The following MMEL1 variants were observed in gnomAD, a reference collection of about 807,000 sequenced individuals.
The protein encoded by MMEL1 is membrane metallo-endopeptidase-like 1.
Under a neutral mutation model 117.1 loss-of-function variants are expected in MMEL1, and 98 were observed. The observed-to-expected ratio is 0.84, with a 90% confidence interval of 0.71 to 0.99. The LOEUF is 0.99. Among genes scored for constraint, MMEL1 ranks in the 50% least tolerant of loss-of-function variants. The pLI, the probability that MMEL1 is intolerant of heterozygous loss-of-function variation, is 0.00. For synonymous variants in MMEL1, 390 were observed against 415.1 expected (o/e 0.94, Z 0.74); for missense variants, 1,014 against 1,049.1 (o/e 0.97, Z 0.46).
intron 11 of MMEL1, 76 bp downstream of exon 11, chr1:2,603,808 T>C (rs1644972835): frequency 4.3e-6 from 6 of 1,388,038 alleles, no homozygotes; most frequent in Middle Eastern, 1.8e-4. Flanking sequence ...CAACGTGCCC[T>C]CTCAGAGGGC....
intron 13 of MMEL1, among the ~76,000 whole-genome samples, chr1:2,597,106 C>A (rs900182477): frequency 1.3e-5 from 2 of 152,178 alleles, no homozygotes; most frequent in Admixed American, 1.3e-4. Context: ...ATTGTTGAAG[C>A]AGCTGTGAGA....
chr1:2,621,753 G>T (rs1212065471), intron 2 of MMEL1, among the ~76,000 whole-genome samples: 1 of 152,146 alleles, frequency 6.6e-6, no homozygotes, highest in Non-Finnish European at 1.5e-5. Flanking sequence ...AGTAGAGATG[G>T]GGTTTCTCAC....
At chr1:2,608,225 C>T (rs1401486631) in intron 6 of MMEL1, among the ~76,000 whole-genome samples, 1 of 152,088 alleles carries the variant, frequency 6.6e-6, no homozygotes, top group Non-Finnish European at 1.5e-5. Context: ...CAGGCGGAGG[C>T]TCCACGAGAC....
At chr1:2,601,204 A>G (rs1237185250) in intron 11 of MMEL1, among the ~76,000 whole-genome samples, 1 of 152,240 alleles carries the variant, frequency 6.6e-6, no homozygotes, top group Non-Finnish European at 1.5e-5. Context: ...CTATCAAGAC[A>G]TTATAAAGCT....
Position 2,605,573 on chromosome 1 carries a change from G to A in MMEL1, c.801C>T (p.Gly267=), listed in dbSNP as rs757865275. 5.8e-5 allele frequency: 93 copies of A among 1,612,822 alleles called. 1 individual carries two copies. The highest frequency in any genetic ancestry group is 1.5e-4 in the South Asian group (14 of 91,016). ...ACCCACCCACCTTCCGGTTGCTGCC[G>A]CCGTTGAAGTAGTACTCTCGGGAGG... The part of the protein sequence containing the change: ...GMPSREYYFN[G]GSNRKVREAY... Residue 267 remains glycine, a synonymous_variant, in exon 9 of 24, where the codon GGC becomes GGT. Coordinates refer to ENST00000378412, the MANE Select transcript of MMEL1 (RefSeq NM_033467.4).
chr1:2,629,135 T>C (rs901835132), intron 2 of MMEL1, among the ~76,000 whole-genome samples, 196 bp downstream of exon 2: 1 of 152,046 alleles, frequency 6.6e-6, no homozygotes, highest in African/African-American at 2.4e-5. Context: ...GCGGGCTCCC[T>C]GCAGGTCAGT....
rs1570731640 is a variant in MMEL1, at chr1:2,632,918, G to A, written c.-90C>T. 1 of 985,686 alleles carries A rather than the reference G, an allele frequency of 1.0e-6. No homozygotes were observed. The highest frequency in any genetic ancestry group is 1.1e-4 in the East Asian group (1 of 8,890). 61.1% of individuals were successfully genotyped at this position (985,686 alleles called of 1,614,324 possible). On this transcript the variant is annotated 5_prime_UTR_variant, in exon 1 of 24. Coordinates refer to ENST00000378412, the MANE Select transcript of MMEL1 (RefSeq NM_033467.4). ...CCACAGTCAGGCCCCTGGAGACTGG[G>A]TCCCAGTGGGTTGGAGTTGGGGTGA...
rs570165838 is a variant in MMEL1, at chr1:2,605,849, G to C, written c.751-226C>G. On this transcript the variant is annotated intron_variant, in intron 8 of 23. Transcript: ENST00000378412. Reference sequence around the variant, plus strand: ...AGGGTGGCGGGGGTGGGGTGGGGAGGGGTTCAGGCTGTCCCGGGCCTCGCA... The same window carrying C: ...AGGGTGGCGGGGGTGGGGTGGGGAGCGGTTCAGGCTGTCCCGGGCCTCGCA... Among the ~76,000 whole-genome samples the C allele has an allele frequency of 7.9e-5, 12 of 152,158 alleles. No homozygotes were observed. The South Asian group carries it at 2.5e-3, about 32-fold the overall frequency.
At chr1:2,609,594 C>G in intron 5 of MMEL1, 76 bp downstream of exon 5, 5 of 1,552,062 alleles carry the variant, frequency 3.2e-6, no homozygotes, top group Non-Finnish European at 4.4e-6. Context: ...GGGCGAGACA[C>G]AGCCAGGACC....
rs769288000 is a variant in MMEL1 at position 2,604,157 on chromosome 1, T to C, written c.941A>G (p.Gln314Arg). The C allele has an allele frequency of 6.8e-7, 1 of 1,462,064 alleles. No homozygotes were observed. Among genetic ancestry groups the C allele is most frequent in the Admixed American group, 1.7e-5 (1 of 57,508 alleles). 90.6% of individuals were successfully genotyped at this position (1,462,064 alleles called of 1,614,324 possible). Residue 314 changes from glutamine to arginine, a missense_variant, in exon 10 of 24, where the codon CAG (glutamine) becomes CGG (arginine). Coordinates refer to ENST00000378412, the MANE Select transcript of MMEL1 (RefSeq NM_033467.4). ...DMVQVLELET[Q>R]LAKATVPQEE... ...CCCCGGCCCCCTTACCTTGGCCAGC[T>C]GTGTCTCCAGCTCCAGCACCTGCAC...
chr1:2,611,520 T>A, intron 3 of MMEL1, 180 bp from the exon 4 acceptor site: 4 of 513,248 alleles, frequency 7.8e-6, no homozygotes, highest in Non-Finnish European at 6.8e-6. Context: ...AAGGCCAGGG[T>A]AACCAAAGCA....
At chr1:2,603,783 A>G in intron 11 of MMEL1, 101 bp downstream of exon 11, 1 of 1,044,938 alleles carries the variant, frequency 9.6e-7, no homozygotes, top group Non-Finnish European at 1.4e-6. Context: ...AATGTTTCTG[A>G]GCTTAAATGC....
intron 9 of MMEL1, among the ~76,000 whole-genome samples, chr1:2,604,922 C>T (rs935428302): frequency 1.3e-5 from 2 of 152,196 alleles, no homozygotes; most frequent in African/African-American, 2.4e-5. Context: ...TTTGGCCACA[C>T]GGCCCTTCCT....
intron 2 of MMEL1, among the ~76,000 whole-genome samples, chr1:2,628,663 A>C (rs1295378901): frequency 2.7e-5 from 4 of 146,540 alleles, no homozygotes; most frequent in African/African-American, 7.6e-5. Flanking sequence ...AGGGGAGATC[A>C]AGGGAGGGGC....
chr1:2,594,036 A>G, intron 18 of MMEL1, 103 bp from the exon 19 acceptor site: 1 of 1,403,544 alleles, frequency 7.1e-7, no homozygotes, highest in Non-Finnish European at 9.5e-7. Flanking sequence ...TTGATCCCAC[A>G]GACCGGGAGG....
intron 14 of MMEL1, 82 bp downstream of exon 14, chr1:2,596,479 G>A (rs1198457842): frequency 4.1e-5 from 63 of 1,541,428 alleles, no homozygotes; most frequent in Middle Eastern, 1.9e-4. Flanking sequence ...GAGCCTGGGC[G>A]GGGTGGGAGT....
intron 19 of MMEL1, among the ~76,000 whole-genome samples, chr1:2,593,579 A>T (rs1286812092): frequency 6.6e-6 from 1 of 152,180 alleles, no homozygotes; most frequent in Non-Finnish European, 1.5e-5. Flanking sequence ...AGGTGGAGTC[A>T]GGGTCATGGG....
intron 11 of MMEL1, among the ~76,000 whole-genome samples, chr1:2,600,436 T>C (rs1557529003): frequency 6.6e-6 from 1 of 150,948 alleles, no homozygotes; most frequent in Admixed American, 6.6e-5. Flanking sequence ...CGGTGGCTCA[T>C]GCCTGTAATC....
Position 2,609,654 on chromosome 1 carries a change from G to A in MMEL1, c.454+16C>T, listed in dbSNP as rs773607920. 5 of 1,598,698 alleles carry A rather than the reference G, an allele frequency of 3.1e-6. No homozygotes were observed. The highest frequency in any genetic ancestry group is 2.2e-5 in the East Asian group (1 of 44,802). ...TTCGGCGTCACCCCACTGCACCCCCGGCCGTGCTCTGCCACCTTTGAGGAT... is the reference window on the plus strand; with the variant it reads ...TTCGGCGTCACCCCACTGCACCCCCAGCCGTGCTCTGCCACCTTTGAGGAT... On this transcript the variant is annotated intron_variant, in intron 5 of 23. Transcript: ENST00000378412.
Sources: allele counts gnomAD v4.1 joint callset (sites outside exome capture counted in the v4.1 genomes callset), GRCh38; gene constraint gnomAD v4.1.1; transcripts MANE v1.5; gene names NCBI Gene and HGNC (gene_info 2026-07-23, HGNC 2026-07-21).